Variants in ZNF470 observed in about 807,000 individuals in gnomAD.
ZNF470 encodes the protein chondrogenesis zinc finger protein 1.
ZNF470 carries 13 observed loss-of-function variants against 13.9 expected under a neutral mutation model. That is an observed-to-expected ratio of 0.94 (90% CI 0.61 to 1.49). The LOEUF (loss-of-function observed/expected upper bound fraction) is 1.49, where lower values mean the gene tolerates loss of function less well. ZNF470 is among the 40% of genes most tolerant of loss of function. The pLI, the probability that ZNF470 is intolerant of heterozygous loss-of-function variation, is 0.00. For synonymous variants in ZNF470, 293 were observed against 282.9 expected (o/e 1.04, Z -0.36); for missense variants, 929 against 857.3 (o/e 1.08, Z -1.04).
rs1246140631 is a variant in ZNF470, at chr19:56,579,219, C to G, written c.*636C>G. 4.7e-6 allele frequency: 4 copies of G among 856,874 alleles called. No individual in the cohort carries two copies. Among genetic ancestry groups the G allele is most frequent in the Non-Finnish European group, 5.6e-6 (4 of 713,072 alleles). The allele number at this position is 856,874 out of a possible 1,614,324, so 53.1% of individuals were successfully genotyped here. A position where few individuals can be genotyped will look rare whatever the true frequency, so the allele number is the denominator to read the frequency against. ...GGCAGATTGCTTGAGCTCAGGAGTT[C>G]GAGACCAACCTGAGCAACATGGTGA... On this transcript the variant is annotated 3_prime_UTR_variant, in exon 6 of 6. Coordinates refer to ENST00000330619, the MANE Select transcript of ZNF470 (RefSeq NM_001001668.4).
chr19:56,582,198 TG>T lies in ZNF470; in HGVS notation c.*3618del, dbSNP rs1480024141. 4.1e-6 allele frequency: 4 copies of T among 985,256 alleles called. No individual in the cohort carries two copies. The highest frequency in any genetic ancestry group is 4.8e-6 in the Non-Finnish European group (4 of 829,924). The allele number at this position is 985,256 out of a possible 1,614,324, so 61.0% of individuals were successfully genotyped here. A position where few individuals can be genotyped will look rare whatever the true frequency, so the allele number is the denominator to read the frequency against. ...CGCCTGATTATTCATTATAGTCACC[TG>T]GGATGAATAGAGGTCTAGGGTTCTG... On this transcript the variant is annotated 3_prime_UTR_variant, in exon 6 of 6. Transcript: ENST00000330619.
chr19:56,569,802 A>G (rs960526571), intron 2 of ZNF470, among the ~76,000 whole-genome samples: 8 of 152,090 alleles, frequency 5.3e-5, no homozygotes, highest in African/African-American at 1.9e-4. Flanking sequence ...GCAATTGGGC[A>G]ATATAGTGAG....
chr19:56,573,351 T>C (rs1011235994), intron 3 of ZNF470, among the ~76,000 whole-genome samples: 2 of 152,218 alleles, frequency 1.3e-5, no homozygotes, highest in African/African-American at 4.8e-5. Flanking sequence ...ATTTTTCAGA[T>C]GGGAAAACTG....
In ZNF470 at chr19:56,577,392, C is replaced by T. The variant is rs2147986903; in HGVS notation, c.963C>T (p.Phe321=). ...AGTGTAAGCAGTGTAATAAAGCATT[C>T]AGCCAGCTTGCACACCTTGCTCAAC... ...PYQCKQCNKA[F]SQLAHLAQHQ... is the part of the protein sequence containing the mutation. Residue 321 remains phenylalanine, a synonymous_variant, in exon 6 of 6, where the codon TTC becomes TTT. Coordinates refer to ENST00000330619, the MANE Select transcript of ZNF470 (RefSeq NM_001001668.4). 1.2e-6 allele frequency: 2 copies of T among 1,613,660 alleles called. No individual in the cohort carries two copies. Among genetic ancestry groups the T allele is most frequent in the East Asian group, 4.5e-5 (2 of 44,846 alleles).
Position 56,581,208 on chromosome 19 carries a change from C to A in ZNF470, c.*2625C>A. 1 of 610,184 alleles carries A rather than the reference C, an allele frequency of 1.6e-6. No individual in the cohort carries two copies. Among genetic ancestry groups the A allele is most frequent in the Non-Finnish European group, 2.1e-6 (1 of 487,760 alleles). The allele number at this position is 610,184 out of a possible 1,614,324, so 37.8% of individuals were successfully genotyped here. On this transcript the variant is annotated 3_prime_UTR_variant, in exon 6 of 6. Coordinates refer to ENST00000330619, the MANE Select transcript of ZNF470 (RefSeq NM_001001668.4). The stretch of plus-strand genomic sequence containing the variant: ...CAACTTAGAAAAATGGACTAATGTC[C>A]CATTCACAAAAGATGCAATAAAAGC...
At chr19:56,574,313 G>A in intron 3 of ZNF470, 81 bp from the exon 4 acceptor site, 1 of 1,602,300 alleles carries the variant, frequency 6.2e-7, no homozygotes, top group Non-Finnish European at 8.5e-7. Flanking sequence ...ATCCCAAAGT[G>A]AGAACAGCAT....
chr19:56,581,072 C>T lies in ZNF470; in HGVS notation c.*2489C>T, dbSNP rs551596725. On this transcript the variant is annotated 3_prime_UTR_variant, in exon 6 of 6. Coordinates refer to ENST00000330619, the MANE Select transcript of ZNF470 (RefSeq NM_001001668.4). ...CATTAGGCTTTTATATGGTGGAAAACATCATAGTCAATAGATAAATGAGAG... is the reference window on the plus strand; with the variant it reads ...CATTAGGCTTTTATATGGTGGAAAATATCATAGTCAATAGATAAATGAGAG... The T allele has an allele frequency of 9.1e-6, 9 of 984,580 alleles. No individual in the cohort carries two copies. The East Asian group carries it at 3.4e-4, about 37-fold the overall frequency. 61.0% of individuals were successfully genotyped at this position (984,580 alleles called of 1,614,324 possible).
Position 56,582,045 on chromosome 19 carries a change from G to C in ZNF470, c.*3462G>C, listed in dbSNP as rs905160631. 6.3e-5 allele frequency: 62 copies of C among 985,248 alleles called. No homozygotes were observed. The highest frequency in any genetic ancestry group is 7.4e-5 in the Non-Finnish European group (61 of 829,918). The allele number at this position is 985,248 out of a possible 1,614,324, so 61.0% of individuals were successfully genotyped here. ...GAAACAATCATACAGAATTTGGTAC[G>C]AAGATTGGGTAATGGGCATTAGAAT... On this transcript the variant is annotated 3_prime_UTR_variant, in exon 6 of 6. Coordinates refer to ENST00000330619, the MANE Select transcript of ZNF470 (RefSeq NM_001001668.4).
chr19:56,577,693 G>A lies in ZNF470; in HGVS notation c.1264G>A (p.Glu422Lys). 2 of 1,611,218 alleles carry A rather than the reference G, an allele frequency of 1.2e-6. No individual in the cohort carries two copies. Among genetic ancestry groups the A allele is most frequent in the Non-Finnish European group, 1.7e-6 (2 of 1,177,750 alleles). The change falls in exon 6 of 6, where the codon GAG (glutamate) becomes AAG (lysine). Residue 422 changes from glutamate to lysine, a missense_variant. Physicochemically the swap from Glu to Lys is moderately conservative, Grantham distance 56. Transcript: ENST00000330619. ...LIQHKRTHTG[E>K]RPYKCNVCGK... ...TCAGCATAAGAGAACTCATACTGGA[G>A]AGAGACCTTACAAATGTAATGTGTG... is the stretch of plus-strand genomic sequence containing the variant.
In ZNF470 at chr19:56,581,622, A is replaced by G; in HGVS notation, c.*3039A>G. ...AAGATAGCTGTGCTATACTAAATGA[A>G]AAATTGCAGACCTGTATTGTAGTAT... On this transcript the variant is annotated 3_prime_UTR_variant, in exon 6 of 6. Coordinates refer to ENST00000330619, the MANE Select transcript of ZNF470 (RefSeq NM_001001668.4). The G allele has an allele frequency of 1.1e-6, 1 of 904,390 alleles. No individual in the cohort carries two copies. Among genetic ancestry groups the G allele is most frequent in the African/African-American group, 1.8e-5 (1 of 55,612 alleles). The allele number at this position is 904,390 out of a possible 1,614,324, so 56.0% of individuals were successfully genotyped here. A position where few individuals can be genotyped will look rare whatever the true frequency, so the allele number is the denominator to read the frequency against.
Position 56,581,920 on chromosome 19 carries a change from C to T in ZNF470, c.*3337C>T, listed in dbSNP as rs925559305. The T allele has an allele frequency of 2.4e-5, 24 of 985,254 alleles. No individual in the cohort carries two copies. The Admixed American group carries it at 2.5e-4, about 10-fold the overall frequency. 61.0% of individuals were successfully genotyped at this position (985,254 alleles called of 1,614,324 possible). ...TCTTTTGATTGGTCCTTGGAACCAC[C>T]CTGGTTTTTGTACTTTCCAAGTCTG... is the stretch of plus-strand genomic sequence containing the variant. On this transcript the variant is annotated 3_prime_UTR_variant, in exon 6 of 6. Coordinates refer to ENST00000330619, the MANE Select transcript of ZNF470 (RefSeq NM_001001668.4).
chr19:56,574,999 C>T (rs1056346883), intron 5 of ZNF470, among the ~76,000 whole-genome samples: 1 of 152,120 alleles, frequency 6.6e-6, no homozygotes, highest in African/African-American at 2.4e-5. Context: ...TTGTCATCAT[C>T]CCTGACTTCA....
intron 3 of ZNF470, 42 bp downstream of exon 3, chr19:56,570,413 T>A (rs762365450): frequency 1.0e-4 from 164 of 1,594,156 alleles, no homozygotes; most frequent in Non-Finnish European, 1.4e-4. Flanking sequence ...ATAGTTTTGC[T>A]TTTCTGGATT....
At position 56,576,889 on chromosome 19, in the gene ZNF470, A is replaced by G. The variant is rs776968872; in HGVS notation, c.460A>G (p.Thr154Ala). 6.3e-7 allele frequency: 1 copy of G among 1,579,826 alleles called. No homozygotes were observed. Residue 154 changes from threonine (T) to alanine (A), a missense_variant, in exon 6 of 6, where the codon ACA becomes GCA. By Grantham distance (58) the Thr-to-Ala change is moderately conservative. Transcript: ENST00000330619. ...LFERELVNQK[T>A]HFRQETITHI... ...TGAGAGGGAGCTTGTAAACCAGAAG[A>G]CACATTTTAGGCAAGAGACCATCAC... is the stretch of plus-strand genomic sequence containing the variant.
intron 2 of ZNF470, among the ~76,000 whole-genome samples, chr19:56,569,738 C>T (rs961445078): frequency 5.9e-5 from 9 of 151,848 alleles, no homozygotes; most frequent in African/African-American, 2.2e-4. Flanking sequence ...AGGAGGTTGA[C>T]CAGATACCTA....
rs1285721807 is a variant in ZNF470, at chr19:56,577,679, G to T, written c.1250G>T (p.Arg417Ile). ...TDHIGLIQHK[R>I]THTGERPYKC... The stretch of plus-strand genomic sequence containing the variant: ...CACATAGGACTTATTCAGCATAAGA[G>T]AACTCATACTGGAGAGAGACCTTAC... Residue 417 changes from arginine (R) to isoleucine (I), a missense_variant, in exon 6 of 6, where the codon AGA (arginine) becomes ATA (isoleucine). Arg to Ile is a moderately conservative substitution (Grantham distance 97, BLOSUM62 -3). Transcript: ENST00000330619. The T allele has an allele frequency of 1.2e-6, 2 of 1,610,882 alleles. No individual in the cohort carries two copies. The highest frequency in any genetic ancestry group is 1.7e-6 in the Non-Finnish European group (2 of 1,177,474).
At chr19:56,571,278 A>G (rs563186039) in intron 3 of ZNF470, among the ~76,000 whole-genome samples, 1 of 152,352 alleles carries the variant, frequency 6.6e-6, no homozygotes, top group Admixed American at 6.5e-5. Flanking sequence ...ATTGTTGACA[A>G]TTATCTGCTG....
Position 56,579,597 on chromosome 19 carries a change from A to G in ZNF470, c.*1014A>G. ...AAGTACCACAGACAATTCGTGTGGT[A>G]TTTAAATTGTTCTAGCATAAAATAA... is the stretch of plus-strand genomic sequence containing the variant. On this transcript the variant is annotated 3_prime_UTR_variant, in exon 6 of 6. Coordinates refer to ENST00000330619, the MANE Select transcript of ZNF470 (RefSeq NM_001001668.4). 4 of 985,456 alleles carry G rather than the reference A, an allele frequency of 4.1e-6. No individual in the cohort carries two copies. Among genetic ancestry groups the G allele is most frequent in the Non-Finnish European group, 4.8e-6 (4 of 829,934 alleles). The allele number at this position is 985,456 out of a possible 1,614,324, so 61.0% of individuals were successfully genotyped here.
chr19:56,578,162 C>G lies in ZNF470; in HGVS notation c.1733C>G (p.Ser578Ter). ...IECGKAFSDG[S>*]YLVQHQRLHS... is the part of the protein sequence containing the mutation. ...TGTGGGAAGGCCTTTAGTGATGGCT[C>G]ATATCTTGTTCAACATCAGAGACTC... The change falls in exon 6 of 6, where the codon TCA becomes TGA. Residue 578 changes from serine (S) to a stop codon, truncating the protein, a stop_gained. Coordinates refer to ENST00000330619, the MANE Select transcript of ZNF470 (RefSeq NM_001001668.4). LOFTEE classifies it low-confidence loss of function (END_TRUNC). The G allele has an allele frequency of 6.2e-7, 1 of 1,614,020 alleles. No individual in the cohort carries two copies. Among genetic ancestry groups the G allele is most frequent in the South Asian group, 1.1e-5 (1 of 91,074 alleles).
Sources: allele counts gnomAD v4.1 joint callset (sites outside exome capture counted in the v4.1 genomes callset), GRCh38; gene constraint gnomAD v4.1.1; transcripts MANE v1.5; gene names NCBI Gene and HGNC (gene_info 2026-07-23, HGNC 2026-07-21).